NBEA: variants seen among roughly 807,000 people sequenced by gnomAD.
NBEA encodes neurobeachin.
In NBEA, 44 loss-of-function variants were observed where a neutral mutation model predicts 343.4. The observed-to-expected ratio is 0.13, with a 90% CI of 0.10 to 0.16. The LOEUF (loss-of-function observed/expected upper bound fraction) is 0.16, where lower values mean the gene tolerates loss of function less well. Ranked by LOEUF, NBEA falls within the 10% of genes least tolerant of loss-of-function variation. The pLI, the probability that NBEA is intolerant of heterozygous loss-of-function variation, is 1.00. For missense variants in NBEA, 2,555 were observed against 3,631.3 expected (o/e 0.70, Z 7.62); for synonymous variants, 1,175 against 1,238.7 (o/e 0.95, Z 1.08).
At chr13:35,114,348 G>A (rs2066390381) in intron 13 of NBEA, among the ~76,000 whole-genome samples, 1 of 152,012 alleles carries the variant, frequency 6.6e-6, no homozygotes, top group Non-Finnish European at 1.5e-5. Flanking sequence ...GAGAAATCTT[G>A]CTCCTATTGT....
rs189373211 is a variant in NBEA at position 35,083,426 on chromosome 13, C to T, written c.1571+12574C>T. ...AGCTGATCTCTCCGCAGAAACTCTA[C>T]AAGCCAGAAGAGAGTGGGGGCCAAT... On this transcript the variant is annotated intron_variant, in intron 10 of 58. Coordinates refer to ENST00000379939, the MANE Select transcript of NBEA (RefSeq NM_001385012.1). Among the ~76,000 whole-genome samples the T allele has an allele frequency of 3.0e-3, 453 of 152,248 alleles. 1 individual carries two copies. Among genetic ancestry groups the T allele is most frequent in the Non-Finnish European group, 4.2e-3 (285 of 68,004 alleles).
rs562036071 is a variant in NBEA, at chr13:35,059,034, C to T, written c.1239+171C>T. ...TTTTGGTTCAAAGATGCTTCTTAAC[C>T]ATTTTATAAACTTTTATTCTTCAGA... On this transcript the variant is annotated intron_variant, in intron 8 of 58. Coordinates refer to ENST00000379939, the MANE Select transcript of NBEA (RefSeq NM_001385012.1). 2.6e-5 allele frequency among the ~76,000 whole-genome samples: 4 copies of T among 151,942 alleles called. No individual in the cohort carries two copies. The South Asian group carries it at 6.2e-4, about 24-fold the overall frequency.
intron 40 of NBEA, among the ~76,000 whole-genome samples, chr13:35,454,939 A>G (rs1005318607): frequency 4.6e-5 from 7 of 152,048 alleles, no homozygotes; most frequent in African/African-American, 1.7e-4. Context: ...TATTAATATA[A>G]TCTTATATTT....
intron 38 of NBEA, among the ~76,000 whole-genome samples, chr13:35,381,120 C>G (rs73502723): frequency 0.013 from 1,936 of 152,122 alleles, 48 homozygotes; most frequent in African/African-American, 0.044. Context: ...TTATTAAACT[C>G]TATAATGACT....
intron 1 of NBEA, among the ~76,000 whole-genome samples, chr13:34,951,364 C>T (rs928454300): frequency 6.6e-6 from 1 of 152,120 alleles, no homozygotes; most frequent in Non-Finnish European, 1.5e-5. Flanking sequence ...ACAGGTTGTA[C>T]AGATTAAATG....
chr13:35,476,383 G>A, intron 41 of NBEA: 1 of 1,157,848 alleles, frequency 8.6e-7, no homozygotes, highest in East Asian at 2.5e-5. Flanking sequence ...TTTGAGCCCA[G>A]CCGTTCTTAA....
At position 35,048,668 on chromosome 13, in the gene NBEA, A is replaced by T; in HGVS notation, c.829A>T (p.Lys277Ter). 2.2e-6 allele frequency: 3 copies of T among 1,356,402 alleles called. No individual in the cohort carries two copies. Among genetic ancestry groups the T allele is most frequent in the Non-Finnish European group, 3.1e-6 (3 of 964,906 alleles). 84.0% of individuals were successfully genotyped at this position (1,356,402 alleles called of 1,614,324 possible). Reference sequence around the variant, plus strand: ...AAATAATATTAATGTTGATAAGGATAAACCTTATCTTTATTGGTAAGTAAT... The same window carrying T: ...AAATAATATTAATGTTGATAAGGATTAACCTTATCTTTATTGGTAAGTAAT... ...PLNNINVDKD[K>*]PYLYCFRTSK... The change falls in exon 5 of 59, where the codon AAA becomes TAA. Residue 277 changes from lysine to a stop codon, truncating the protein, a stop_gained. Transcript: ENST00000379939. LOFTEE classifies it high-confidence loss of function.
intron 34 of NBEA, among the ~76,000 whole-genome samples, chr13:35,272,836 G>A (rs1398043211): frequency 6.6e-6 from 1 of 152,092 alleles, no homozygotes; most frequent in African/African-American, 2.4e-5. Flanking sequence ...CAATATAGGA[G>A]CACCCAGATT....
At chr13:35,143,243 C>T (rs987187431) in intron 18 of NBEA, among the ~76,000 whole-genome samples, 1 of 152,224 alleles carries the variant, frequency 6.6e-6, no homozygotes, top group Non-Finnish European at 1.5e-5. Context: ...TTTTGTGCCA[C>T]GACCGCAGAG....
At chr13:35,628,018 TAAAAG>T in intron 48 of NBEA, 58 bp from the exon 49 acceptor site, 1 of 1,226,464 alleles carries the variant, frequency 8.2e-7, no homozygotes, top group East Asian at 2.6e-5. Flanking sequence ...AAAAAAAAAA[TAAAAG>T]GATATGAAGG....
intron 28 of NBEA, 47 bp from the exon 29 acceptor site, chr13:35,182,313 T>C (rs762072303): frequency 2.1e-5 from 33 of 1,545,140 alleles, no homozygotes; most frequent in South Asian, 6.3e-5. Context: ...TAAGAACTTA[T>C]ACTTCAAAAA....
intron 45 of NBEA, among the ~76,000 whole-genome samples, chr13:35,582,105 T>G (rs1289318621): frequency 6.6e-6 from 1 of 151,892 alleles, no homozygotes; most frequent in African/African-American, 2.4e-5. Context: ...GATAACACAG[T>G]GAAACCCCAT....
chr13:35,439,962 C>T lies in NBEA; in HGVS notation c.6304+7569C>T, dbSNP rs545251308. Among the ~76,000 whole-genome samples, 288 of 152,258 alleles carry T rather than the reference C, an allele frequency of 1.9e-3. 3 individuals are homozygous for T. The highest frequency in any genetic ancestry group is 2.0e-3 in the Non-Finnish European group (138 of 68,024). ...TGGTGCGATCTTGGCTCACTGCAACCGCCACCTCCCAGGTTCAAGCGATTC... is the reference window on the plus strand; with the variant it reads ...TGGTGCGATCTTGGCTCACTGCAACTGCCACCTCCCAGGTTCAAGCGATTC... On this transcript the variant is annotated intron_variant, in intron 39 of 58. Transcript: ENST00000379939.
chr13:35,298,096 T>G (rs922640713), intron 35 of NBEA, among the ~76,000 whole-genome samples: 2 of 151,352 alleles, frequency 1.3e-5, no homozygotes, highest in Non-Finnish European at 3.0e-5. Context: ...GTTATATGTA[T>G]TATGCATTCT....
intron 33 of NBEA, among the ~76,000 whole-genome samples, chr13:35,216,930 T>G (rs933830433): frequency 6.6e-6 from 1 of 151,958 alleles, no homozygotes; most frequent in Non-Finnish European, 1.5e-5. Context: ...TGAGATTACT[T>G]GCTCTATGGT....
chr13:35,245,838 C>T (rs1045961429), intron 34 of NBEA, among the ~76,000 whole-genome samples: 3 of 152,014 alleles, frequency 2.0e-5, no homozygotes, highest in Non-Finnish European at 2.9e-5. Flanking sequence ...AGATCTGTAC[C>T]GAAGCTGGAG....
intron 47 of NBEA, among the ~76,000 whole-genome samples, chr13:35,594,992 A>ACACACACACACACAC (rs35174924): frequency 1.5e-5 from 2 of 130,674 alleles, no homozygotes; most frequent in East Asian, 2.1e-4. Context: ...CACACACACA[A>ACACACACACACACAC]ATTGGCTTTT....
rs201826208 is a variant in NBEA, at chr13:35,208,801, C to G, written c.5468C>G (p.Ser1823Cys). The change falls in exon 32 of 59, where the codon TCT (serine) becomes TGT (cysteine). Residue 1823 changes from serine to cysteine, a missense_variant. This residue lies in a region of NBEA where 270 missense variants were observed against 293.3 expected (regional missense o/e 0.92). Transcript: ENST00000379939. Reference protein sequence around the residue: ...AGSGLPTGSTSNIFAATGATP... With the variant: ...AGSGLPTGSTCNIFAATGATP... ...AGTGGGCTGCCAACAGGCAGTACCTCTAATATATTTGCTGCTACTGGAGCT... is the reference window on the plus strand; with the variant it reads ...AGTGGGCTGCCAACAGGCAGTACCTGTAATATATTTGCTGCTACTGGAGCT... The G allele has an allele frequency of 3.8e-4, 611 of 1,609,676 alleles. No homozygotes were observed. The highest frequency in any genetic ancestry group is 5.0e-4 in the Middle Eastern group (3 of 6,048).
At chr13:35,390,027 G>A (rs1487129600) in intron 38 of NBEA, among the ~76,000 whole-genome samples, 1 of 131,248 alleles carries the variant, frequency 7.6e-6, no homozygotes, top group African/African-American at 2.9e-5. Context: ...CTGATATATC[G>A]TTTTTGTTTT....
Sources: gnomAD v4.1 joint callset for allele counts (sites outside exome capture counted in the v4.1 genomes callset) on GRCh38, gnomAD v4.1.1 for gene constraint, gnomAD v4.1.1 regional missense constraint, MANE v1.5 for transcripts, NCBI Gene and HGNC (gene_info 2026-07-23, HGNC 2026-07-21) for gene names.